EML6: variants seen among roughly 807,000 people sequenced by gnomAD.
The protein encoded by EML6 is echinoderm microtubule-associated protein-like 6.
Under a neutral mutation model 240.1 loss-of-function variants are expected in EML6, and 154 were observed. The ratio of observed to expected loss-of-function variants is 0.64; its 90% confidence interval spans 0.56 to 0.73. The LOEUF is 0.73. Ranked by LOEUF, EML6 falls within the 30% of genes least tolerant of loss-of-function variation. EML6 has a pLI of 0.00. For synonymous variants in EML6, 1,148 were observed against 899.0 expected (o/e 1.28, Z -4.95); for missense variants, 2,964 against 2,474.6 (o/e 1.20, Z -4.20).
chr2:54,837,623 A>AGC (rs1669223811), intron 7 of EML6, among the ~76,000 whole-genome samples: 1 of 152,208 alleles, frequency 6.6e-6, no homozygotes, highest in East Asian at 1.9e-4. Context: ...AGAGTTTGCC[A>AGC]GCATGTGACT....
chr2:54,874,746 C>T (rs1671419883), intron 16 of EML6, among the ~76,000 whole-genome samples: 1 of 151,978 alleles, frequency 6.6e-6, no homozygotes, highest in Non-Finnish European at 1.5e-5. Flanking sequence ...TGTGGTGACT[C>T]CTGAAAGTGT....
chr2:54,891,237 A>G, intron 18 of EML6, 83 bp downstream of exon 18: 1 of 645,776 alleles, frequency 1.5e-6, no homozygotes, highest in South Asian at 2.6e-5. Flanking sequence ...TGTTGCTACT[A>G]CCTCGCTTGT....
At chr2:54,917,177 T>C (rs1220328938) in intron 26 of EML6, among the ~76,000 whole-genome samples, 1 of 152,210 alleles carries the variant, frequency 6.6e-6, no homozygotes, top group African/African-American at 2.4e-5. Flanking sequence ...TCTCACAAAC[T>C]GCAAAGTAAG....
chr2:54,897,797 C>G (rs1573098084), intron 21 of EML6, among the ~76,000 whole-genome samples: 1 of 151,952 alleles, frequency 6.6e-6, no homozygotes, highest in South Asian at 2.1e-4. Flanking sequence ...TTGTTGGGCT[C>G]CTGCCCAGGT....
chr2:54,933,460 C>A (rs978513456), intron 28 of EML6, among the ~76,000 whole-genome samples: 11 of 152,170 alleles, frequency 7.2e-5, no homozygotes, highest in African/African-American at 2.7e-4. Flanking sequence ...ATAGGCCAGG[C>A]ACGGTGGCTT....
chr2:54,942,757 C>A (rs1219509427), intron 28 of EML6, among the ~76,000 whole-genome samples: 1 of 152,178 alleles, frequency 6.6e-6, no homozygotes, highest in Non-Finnish European at 1.5e-5. Flanking sequence ...TACATCATCA[C>A]CAGGAACTCC....
chr2:54,803,160 A>T (rs1001538400), intron 2 of EML6, among the ~76,000 whole-genome samples: 3 of 152,198 alleles, frequency 2.0e-5, no homozygotes, highest in Non-Finnish European at 4.4e-5. Flanking sequence ...AGTTGTTCTT[A>T]ACCACAAGAG....
At position 54,895,320 on chromosome 2, in the gene EML6, C is replaced by A. The variant is rs903637615; in HGVS notation, c.2902C>A (p.His968Asn). ...NPSIRAITLG[H>N]GHILVGTKNG... ...TTCAATTCGTGCCATCACTTTGGGA[C>A]ATGGACATATCCTGGTGGGAACAAA... Residue 968 changes from histidine to asparagine, a missense_variant, in exon 21 of 42, where the codon CAT becomes AAT. Physicochemically the swap from His to Asn is moderately conservative, Grantham distance 68. Transcript: ENST00000356458. 6.4e-7 allele frequency: 1 copy of A among 1,551,846 alleles called. No individual in the cohort carries two copies. Among genetic ancestry groups the A allele is most frequent in the Non-Finnish European group, 8.7e-7 (1 of 1,146,898 alleles).
Position 54,869,194 on chromosome 2 carries a change from G to A in EML6, c.2065G>A (p.Asp689Asn), listed in dbSNP as rs758588350. ...CCTGTGCTTCAGTTATAGAGGCTACGACTGTAGAAACAATCTGTTCTACAC... is the reference window on the plus strand; with the variant it reads ...CCTGTGCTTCAGTTATAGAGGCTACAACTGTAGAAACAATCTGTTCTACAC... ...LQFIHGYRGY[D>N]CRNNLFYTQA... The change falls in exon 15 of 42, where the codon GAC becomes AAC. Residue 689 changes from aspartate to asparagine, a missense_variant. Coordinates refer to ENST00000356458, the MANE Select transcript of EML6 (RefSeq NM_001039753.4). The A allele has an allele frequency of 9.9e-5, 154 of 1,550,568 alleles. No individual in the cohort carries two copies. The highest frequency in any genetic ancestry group is 2.6e-4 in the African/African-American group (19 of 72,958).
At chr2:54,842,347 A>G (rs1051723748) in intron 7 of EML6, among the ~76,000 whole-genome samples, 2 of 152,236 alleles carry the variant, frequency 1.3e-5, no homozygotes, top group Non-Finnish European at 2.9e-5. Flanking sequence ...TCAACATAAG[A>G]AAGCTGCTTC....
chr2:54,970,199 C>A lies in EML6; in HGVS notation c.*104C>A, dbSNP rs1380982278. 3.6e-6 allele frequency: 4 copies of A among 1,099,078 alleles called. No individual in the cohort carries two copies. In the African/African-American group the frequency reaches 4.7e-5, roughly 13 times the overall value. 68.1% of individuals were successfully genotyped at this position (1,099,078 alleles called of 1,614,324 possible). ...GCCACCAGCCGTTGGGAAATGCCTACCATGCTGCCCCGGATGCACAAGCTC... is the reference window on the plus strand; with the variant it reads ...GCCACCAGCCGTTGGGAAATGCCTAACATGCTGCCCCGGATGCACAAGCTC... On this transcript the variant is annotated 3_prime_UTR_variant, in exon 42 of 42. Coordinates refer to ENST00000356458, the MANE Select transcript of EML6 (RefSeq NM_001039753.4).
intron 35 of EML6, among the ~76,000 whole-genome samples, chr2:54,961,068 C>A (rs181135831): frequency 6.6e-6 from 1 of 151,818 alleles, no homozygotes; most frequent in East Asian, 1.9e-4. Context: ...TGGAGTACCA[C>A]ATGATTCAAA....
Position 54,960,289 on chromosome 2 carries a change from G to A in EML6, c.4923G>A (p.Glu1641=), listed in dbSNP as rs1021729785. ...EMKRCRAFQL[E]TGQLVECVRS... is the part of the protein sequence containing the mutation. The stretch of plus-strand genomic sequence containing the variant: ...AGCGCTGCCGGGCCTTTCAGCTGGA[G>A]ACCGGGCAGCTGGTGGAGTGTGTGC... The change falls in exon 35 of 42, where the codon GAG becomes GAA. Residue 1641 remains glutamate (E), a synonymous_variant. Transcript: ENST00000356458. 16 of 1,551,296 alleles carry A rather than the reference G, an allele frequency of 1.0e-5. No homozygotes were observed. The highest frequency in any genetic ancestry group is 6.8e-5 in the African/African-American group (5 of 73,050).
At chr2:54,780,721 G>T (rs1668817726) in intron 2 of EML6, among the ~76,000 whole-genome samples, 1 of 152,194 alleles carries the variant, frequency 6.6e-6, no homozygotes, top group South Asian at 2.1e-4. Context: ...TATAAATATG[G>T]AATGATAACG....
intron 21 of EML6, among the ~76,000 whole-genome samples, chr2:54,897,136 A>T (rs998004809): frequency 6.6e-6 from 1 of 152,158 alleles, no homozygotes; most frequent in Non-Finnish European, 1.5e-5. Flanking sequence ...AATTGTTTCC[A>T]TGTATGCTAT....
At chr2:54,884,744 T>C (rs1181991146) in intron 17 of EML6, among the ~76,000 whole-genome samples, 3 of 152,258 alleles carry the variant, frequency 2.0e-5, no homozygotes, top group African/African-American at 7.2e-5. Context: ...TGTTTGGCAT[T>C]GTATAAATAC....
At chr2:54,816,406 T>C (rs1173131553) in intron 3 of EML6, among the ~76,000 whole-genome samples, 1 of 152,218 alleles carries the variant, frequency 6.6e-6, no homozygotes, top group Non-Finnish European at 1.5e-5. Context: ...TTTTAGACTA[T>C]AGAATTCTGG....
chr2:54,870,139 G>GT (rs1290804293), intron 15 of EML6, among the ~76,000 whole-genome samples: 1 of 152,140 alleles, frequency 6.6e-6, no homozygotes, highest in Non-Finnish European at 1.5e-5. Context: ...AACATTCTTG[G>GT]TATAATGTCA....
chr2:54,789,377 G>A (rs952210310), intron 2 of EML6, among the ~76,000 whole-genome samples: 11 of 151,460 alleles, frequency 7.3e-5, no homozygotes, highest in Admixed American at 2.6e-4. Context: ...AGCCGGGCGT[G>A]ATGGCGGGCG....
Sources: allele counts gnomAD v4.1 joint callset (sites outside exome capture counted in the v4.1 genomes callset), GRCh38; gene constraint gnomAD v4.1.1; transcripts MANE v1.5; gene names NCBI Gene and HGNC (gene_info 2026-07-23, HGNC 2026-07-21).